GEMIN4: variants seen among roughly 807,000 people sequenced by gnomAD.
The protein encoded by GEMIN4 is gem nuclear organelle associated protein 4, also known as gem-associated protein 4.
Under a neutral mutation model 76.8 loss-of-function variants are expected in GEMIN4, and 59 were observed. The observed-to-expected ratio is 0.77, with a 90% CI of 0.62 to 0.95. The LOEUF (loss-of-function observed/expected upper bound fraction) is 0.95, where lower values mean the gene tolerates loss of function less well. GEMIN4 is among the 40% of genes least tolerant of loss of function. The pLI is 0.00. For missense variants in GEMIN4, 1,311 were observed against 1,318.9 expected, an observed-to-expected ratio of 0.99 and a Z score of 0.09; for synonymous variants, 562 against 559.7, an observed-to-expected ratio of 1.00 and a Z score of -0.06.
chr17:752,083 G>A, intron 1 of GEMIN4, 50 bp downstream of exon 1: 1 of 1,184,406 alleles, frequency 8.4e-7, no homozygotes, highest in Non-Finnish European at 1.1e-6. Flanking sequence ...GCACCGCTCT[G>A]GTGGCGCATT....
upstream of GEMIN4, chr17:752,716 G>A: frequency 1.4e-6 from 1 of 739,082 alleles, no homozygotes; most frequent in Non-Finnish European, 1.7e-6. Context: ...AAAATGCGCC[G>A]TGTGAGCCCA....
rs1345846217 is a variant in GEMIN4, at chr17:745,963, G to C, written c.2080C>G (p.Pro694Ala). 1.2e-6 allele frequency: 2 copies of C among 1,613,060 alleles called. No individual in the cohort carries two copies. Among genetic ancestry groups the C allele is most frequent in the Non-Finnish European group, 1.7e-6 (2 of 1,179,856 alleles). The change falls in exon 2 of 2, where the codon CCG (proline) becomes GCG (alanine). Residue 694 changes from proline (P) to alanine (A), a missense_variant. Pro to Ala is a conservative substitution (Grantham distance 27). Transcript: ENST00000319004. The surrounding 1 kb of genome is among the most constrained non-coding windows in gnomAD (Gnocchi z 4.6). ...REEYWLQTCS[P>A]FPLLFSLCQL... ...CACAAGCTGAAGAGGAGTGGAAACG[G>C]GGAGCAGGTCTGGAGCCAGTATTCC...
rs1250611971 is a variant in GEMIN4, at chr17:745,840, G to C, written c.2203C>G (p.Leu735Val). The change falls in exon 2 of 2, where the codon CTC (leucine) becomes GTC (valine). Residue 735 changes from leucine (L) to valine (V), a missense_variant. Transcript: ENST00000319004. This position sits in a 1 kb window ranked among gnomAD's most constrained non-coding sequence, Gnocchi z 4.6. ...RKDLAIHILE[L>V]LCEIVSANAE... is the part of the protein sequence containing the mutation. ...TTGGCTGATACAATCTCACACAGGA[G>C]CTCCAGGATATGGATCGCTAGATCC... 1 of 1,613,018 alleles carries C rather than the reference G, an allele frequency of 6.2e-7. No homozygotes were observed.
chr17:751,482 G>A (rs1216569973), intron 1 of GEMIN4, among the ~76,000 whole-genome samples: 1 of 152,156 alleles, frequency 6.6e-6, no homozygotes, highest in Admixed American at 6.5e-5. Flanking sequence ...GGTCTTAGCA[G>A]CGTGTGCCAA....
In GEMIN4 at chr17:752,232, G is replaced by GCAGGAGCCA; in HGVS notation, c.-99_-91dup. The GCAGGAGCCA allele has an allele frequency of 1.6e-6, 2 of 1,228,738 alleles. No individual in the cohort carries two copies. The highest frequency in any genetic ancestry group is 2.0e-6 in the Non-Finnish European group (2 of 985,476). 76.1% of individuals were successfully genotyped at this position (1,228,738 alleles called of 1,614,324 possible). On this transcript the variant is annotated 5_prime_UTR_variant, in exon 1 of 2. Coordinates refer to ENST00000319004, the MANE Select transcript of GEMIN4 (RefSeq NM_015721.3). ...CGGGACGCACGGCACGATGGGAGAC[G>GCAGGAGCCA]CAGGAGCCACGGCGGCCGCGCTTAG...
Position 752,201 on chromosome 17 carries a change from G to A in GEMIN4, c.-59C>T. 8.1e-7 allele frequency: 1 copy of A among 1,231,322 alleles called. No individual in the cohort carries two copies. Among genetic ancestry groups the A allele is most frequent in the Non-Finnish European group, 1.0e-6 (1 of 986,918 alleles). The allele number at this position is 1,231,322 out of a possible 1,614,324, so 76.3% of individuals were successfully genotyped here. On this transcript the variant is annotated 5_prime_UTR_variant, in exon 1 of 2. Transcript: ENST00000319004. ...CCCCCTCCCCTCCGAGAACTCGAAC[G>A]CGGCGCGGGACGCACGGCACGATGG... is the stretch of plus-strand genomic sequence containing the variant.
Position 745,263 on chromosome 17 carries a change from C to A in GEMIN4, c.2780G>T (p.Cys927Phe), listed in dbSNP as rs754373508. ...GCCTTCCAGAGGAAGCCAATCACGA[C>A]AGCTATGGCTGCAGAGAAACTGGAA... ...RTFQFLCSHS[C>F]RDWLPLEGWN... Residue 927 changes from cysteine to phenylalanine, a missense_variant, in exon 2 of 2, where the codon TGT (cysteine) becomes TTT (phenylalanine). Physicochemically the swap from Cys to Phe is radical, Grantham distance 205 (BLOSUM62 -2). Around this residue, in one of 2 missense-constraint regions of GEMIN4, gnomAD observed 1,208 missense variants for 1,166.9 expected, o/e 1.04. Transcript: ENST00000319004. The surrounding 1 kb of genome is among the most constrained non-coding windows in gnomAD (Gnocchi z 4.6). The A allele has an allele frequency of 6.2e-7, 1 of 1,611,258 alleles. No individual in the cohort carries two copies. The highest frequency in any genetic ancestry group is 8.5e-7 in the Non-Finnish European group (1 of 1,179,172).
Position 745,655 on chromosome 17 carries a change from A to G in GEMIN4, c.2388T>C (p.Leu796=), listed in dbSNP as rs758208669. Residue 796 remains leucine (L), a synonymous_variant, in exon 2 of 2, where the codon CTT becomes CTC. Coordinates refer to ENST00000319004, the MANE Select transcript of GEMIN4 (RefSeq NM_015721.3). The surrounding 1 kb of genome is among the most constrained non-coding windows in gnomAD (Gnocchi z 4.6). ...VPATLFEICK[L]SEDEWTSQAH... is the part of the protein sequence containing the mutation. ...CCTGGGAGGTCCACTCGTCTTCTGA[A>G]AGCTTACAGATCTCAAAAAGTGTGG... is the stretch of plus-strand genomic sequence containing the variant. 1 of 1,597,410 alleles carries G rather than the reference A, an allele frequency of 6.3e-7. No individual in the cohort carries two copies. Among genetic ancestry groups the G allele is most frequent in the South Asian group, 1.1e-5 (1 of 88,970 alleles).
At position 747,180 on chromosome 17, in the gene GEMIN4, G is replaced by A. The variant is rs369226409; in HGVS notation, c.863C>T (p.Ala288Val). The A allele has an allele frequency of 2.7e-5, 44 of 1,613,702 alleles. No homozygotes were observed. The highest frequency in any genetic ancestry group is 6.7e-5 in the East Asian group (3 of 44,886). Residue 288 changes from alanine (A) to valine (V), a missense_variant, in exon 2 of 2, where the codon GCG becomes GTG. Physicochemically the swap from Ala to Val is moderately conservative, Grantham distance 64. Around this residue, in one of 2 missense-constraint regions of GEMIN4, gnomAD observed 1,208 missense variants for 1,166.9 expected, o/e 1.04. Transcript: ENST00000319004. The stretch of plus-strand genomic sequence containing the variant: ...TGCCTCCTTCACCTTCTCTGCCAGC[G>A]CCTGCTGGTGGTAGGGATTCTGGGT... ...SDTQNPYHQQALAEKVKEAER... is the reference protein window; with the variant it reads ...SDTQNPYHQQVLAEKVKEAER...
chr17:745,800 G>C lies in GEMIN4; in HGVS notation c.2243C>G (p.Ser748Cys). The C allele has an allele frequency of 3.1e-6, 5 of 1,612,886 alleles. No individual in the cohort carries two copies. Among genetic ancestry groups the C allele is most frequent in the Non-Finnish European group, 4.2e-6 (5 of 1,179,632 alleles). ...EIVSANAETFSPDVWIKSLSW... is the reference protein window; with the variant it reads ...EIVSANAETFCPDVWIKSLSW... ...CAGGGACTTGATCCAGACATCCGGG[G>C]AGAAGGTCTCAGCATTGGCTGATAC... The change falls in exon 2 of 2, where the codon TCC (serine) becomes TGC (cysteine). Residue 748 changes from serine (S) to cysteine (C), a missense_variant. Coordinates refer to ENST00000319004, the MANE Select transcript of GEMIN4 (RefSeq NM_015721.3). The surrounding 1 kb of genome is among the most constrained non-coding windows in gnomAD (Gnocchi z 4.6).
rs1567778068 is a variant in GEMIN4 at position 746,832 on chromosome 17, G to A, written c.1211C>T (p.Ala404Val). ...LKNRALEDIT[A>V]SIAMAVIQQK... ...CTGGATGACGGCCATGGCAATGGAAGCTGTGATATCCTCCAAGGCCCTGTT... is the reference window on the plus strand; with the variant it reads ...CTGGATGACGGCCATGGCAATGGAAACTGTGATATCCTCCAAGGCCCTGTT... The change falls in exon 2 of 2, where the codon GCT becomes GTT. Residue 404 changes from alanine to valine, a missense_variant. Transcript: ENST00000319004. This position sits in a 1 kb window ranked among gnomAD's most constrained non-coding sequence, Gnocchi z 4.3. 5.6e-6 allele frequency: 9 copies of A among 1,613,684 alleles called. No homozygotes were observed. Among genetic ancestry groups the A allele is most frequent in the Non-Finnish European group, 7.6e-6 (9 of 1,179,768 alleles).
In GEMIN4 at chr17:744,635, G is replaced by T. The variant is rs71357105; in HGVS notation, c.*231C>A. The T allele has an allele frequency of 2.8e-5, 13 of 468,940 alleles. No individual in the cohort carries two copies. In the Middle Eastern group the frequency reaches 1.7e-3, roughly 62 times the overall value. 29.0% of individuals were successfully genotyped at this position (468,940 alleles called of 1,614,324 possible). A position where few individuals can be genotyped will look rare whatever the true frequency, so the allele number is the denominator to read the frequency against. ...AGACAAAGTGAGATGCGAAAGAGGA[G>T]AATTTTTATGATAGTTTGTACGTTA... is the stretch of plus-strand genomic sequence containing the variant. On this transcript the variant is annotated 3_prime_UTR_variant, in exon 2 of 2. Transcript: ENST00000319004.
Position 745,324 on chromosome 17 carries a change from G to T in GEMIN4, c.2719C>A (p.Gln907Lys), listed in dbSNP as rs772752129. Reference protein sequence around the residue: ...VPLLNLKPFAQELQLSVLFLR... With the variant: ...VPLLNLKPFAKELQLSVLFLR... ...AAGAGGACGGAGAGTTGCAACTCCT[G>T]GGCAAAGGGCTTCAGGTTGAGCAGG... The change falls in exon 2 of 2, where the codon CAG becomes AAG. Residue 907 changes from glutamine to lysine, a missense_variant. Transcript: ENST00000319004. This position sits in a 1 kb window ranked among gnomAD's most constrained non-coding sequence, Gnocchi z 4.6. 8.1e-6 allele frequency: 13 copies of T among 1,612,820 alleles called. No individual in the cohort carries two copies. The South Asian group carries it at 1.2e-4, about 15-fold the overall frequency.
At position 746,945 on chromosome 17, in the gene GEMIN4, G is replaced by A. The variant is rs751972285; in HGVS notation, c.1098C>T (p.Thr366=). 1.2e-6 allele frequency: 2 copies of A among 1,613,596 alleles called. No homozygotes were observed. The highest frequency in any genetic ancestry group is 8.5e-7 in the Non-Finnish European group (1 of 1,179,814). ...CCTGCCTGTCCTCCTTGGACAGGCT[G>A]GTGCGGTTCAGGTAGAGCGTCGCGT... ...SQNATLYLNR[T]SLSKEDRQVV... The change falls in exon 2 of 2, where the codon ACC becomes ACT. Residue 366 remains threonine, a synonymous_variant. Coordinates refer to ENST00000319004, the MANE Select transcript of GEMIN4 (RefSeq NM_015721.3). The surrounding 1 kb of genome is among the most constrained non-coding windows in gnomAD (Gnocchi z 4.3).
upstream of GEMIN4, chr17:754,221 G>A (rs1904890012): frequency 6.6e-6 from 1 of 152,190 alleles, no homozygotes; most frequent in East Asian, 1.9e-4. Flanking sequence ...CACACCCCTT[G>A]ACCTATGCAA....
Position 746,636 on chromosome 17 carries a change from T to C in GEMIN4, c.1407A>G (p.Arg469=), listed in dbSNP as rs761408757. 1 of 1,613,586 alleles carries C rather than the reference T, an allele frequency of 6.2e-7. No individual in the cohort carries two copies. The highest frequency in any genetic ancestry group is 1.1e-5 in the South Asian group (1 of 91,084). Residue 469 remains arginine (R), a synonymous_variant, in exon 2 of 2, where the codon AGA becomes AGG. Transcript: ENST00000319004. The surrounding 1 kb of genome is among the most constrained non-coding windows in gnomAD (Gnocchi z 4.3). Reference sequence around the variant, plus strand: ...GCCGGATCTGAGACTCAGGGATGGCTCTGTCAGCTGTGCTGACGTCTATCA... The same window carrying C: ...GCCGGATCTGAGACTCAGGGATGGCCCTGTCAGCTGTGCTGACGTCTATCA... ...ETVIDVSTAD[R]AIPESQIRQV...
chr17:754,280 AG>A (rs1567784443), upstream of GEMIN4: 1 of 152,182 alleles, frequency 6.6e-6, no homozygotes, highest in East Asian at 1.9e-4. Flanking sequence ...TGATCACAGG[AG>A]CCTCATACAC....
chr17:753,375 C>T (rs1316125555), upstream of GEMIN4: 10 of 95,512 alleles, frequency 1.0e-4, no homozygotes, highest in Middle Eastern at 0.011. Context: ...AGGGGCTACG[C>T]GGCCAAAGTG....
In GEMIN4 at chr17:746,967, G is replaced by A. The variant is rs746868972; in HGVS notation, c.1076C>T (p.Ala359Val). 11 of 1,613,016 alleles carry A rather than the reference G, an allele frequency of 6.8e-6. No homozygotes were observed. Among genetic ancestry groups the A allele is most frequent in the South Asian group, 1.1e-5 (1 of 91,080 alleles). Reference protein sequence around the residue: ...CDSLTSFSQNATLYLNRTSLS... With the variant: ...CDSLTSFSQNVTLYLNRTSLS... ...GCTGGTGCGGTTCAGGTAGAGCGTC[G>A]CGTTCTGGCTGAAGGAAGTCAGACT... The change falls in exon 2 of 2, where the codon GCG becomes GTG. Residue 359 changes from alanine to valine, a missense_variant. This residue lies in a region of GEMIN4 where 1,208 missense variants were observed against 1,166.9 expected (regional missense o/e 1.04). Coordinates refer to ENST00000319004, the MANE Select transcript of GEMIN4 (RefSeq NM_015721.3). This position sits in a 1 kb window ranked among gnomAD's most constrained non-coding sequence, Gnocchi z 4.3.
Sources: allele counts gnomAD v4.1 joint callset (sites outside exome capture counted in the v4.1 genomes callset), GRCh38; gene constraint gnomAD v4.1.1; regional missense constraint gnomAD v4.1.1; non-coding constraint Gnocchi (gnomAD v3.1); transcripts MANE v1.5; gene names NCBI Gene and HGNC (gene_info 2026-07-23, HGNC 2026-07-21).